HECTD3: variants seen among roughly 807,000 people sequenced by gnomAD.
The protein encoded by HECTD3 is E3 ubiquitin-protein ligase HECTD3.
Under a neutral mutation model 109.3 loss-of-function variants are expected in HECTD3, and 72 were observed. The observed-to-expected ratio is 0.66, with a 90% CI of 0.54 to 0.80. HECTD3 has a LOEUF of 0.80. Ranked by LOEUF, HECTD3 falls within the 30% of genes least tolerant of loss-of-function variation. The pLI, the probability that HECTD3 is intolerant of heterozygous loss-of-function variation, is 0.00. For missense variants in HECTD3, 1,041 were observed against 1,165.2 expected (o/e 0.89, Z 1.55); for synonymous variants, 481 against 471.8 (o/e 1.02, Z -0.25).
In HECTD3 at chr1:45,009,460, T is replaced by C; in HGVS notation, c.898A>G (p.Thr300Ala). 2 of 1,614,094 alleles carry C rather than the reference T, an allele frequency of 1.2e-6. No individual in the cohort carries two copies. Among genetic ancestry groups the C allele is most frequent in the Non-Finnish European group, 1.7e-6 (2 of 1,179,942 alleles). Residue 300 changes from threonine (T) to alanine (A), a missense_variant, in exon 6 of 21, where the codon ACC (threonine) becomes GCC (alanine). Transcript: ENST00000372172. ...TTTGGCATAAAGTTGTCATCTGTGG[T>C]ATCCACTGTGAGTAGCAGCTTCCTG... ...IVKKLLLTVD[T>A]TDDNFMPKRV...
Position 45,003,793 on chromosome 1 carries a change from G to C in HECTD3, c.2430-53C>G. 1 of 1,611,532 alleles carries C rather than the reference G, an allele frequency of 6.2e-7. No individual in the cohort carries two copies. Among genetic ancestry groups the C allele is most frequent in the Non-Finnish European group, 8.5e-7 (1 of 1,177,648 alleles). The stretch of plus-strand genomic sequence containing the variant: ...GGAAGATGTGTTGGGGCACATGTAC[G>C]TGTGTGGGGAGGGAGGACAGAAGGC... On this transcript the variant is annotated intron_variant, in intron 19 of 20. Transcript: ENST00000372172. The surrounding 1 kb of genome is among the most constrained non-coding windows in gnomAD (Gnocchi z 4.7).
Position 45,006,330 on chromosome 1 carries a change from G to C in HECTD3, c.1726-214C>G. 1 of 510,054 alleles carries C rather than the reference G, an allele frequency of 2.0e-6. No homozygotes were observed. The highest frequency in any genetic ancestry group is 3.4e-6 in the Non-Finnish European group (1 of 294,424). 31.6% of individuals were successfully genotyped at this position (510,054 alleles called of 1,614,324 possible). A position where few individuals can be genotyped will look rare whatever the true frequency, so the allele number is the denominator to read the frequency against. On this transcript the variant is annotated intron_variant, in intron 13 of 20. Transcript: ENST00000372172. The surrounding 1 kb of genome is among the most constrained non-coding windows in gnomAD (Gnocchi z 4.7). ...TCTATTTTTTTTTTTTTTTGAGACA[G>C]AGTCTCACTGTGTCACCCAGGCTGG... is the stretch of plus-strand genomic sequence containing the variant.
chr1:45,007,963 G>C (rs1198412673), intron 9 of HECTD3, among the ~76,000 whole-genome samples: 1 of 152,120 alleles, frequency 6.6e-6, no homozygotes, highest in African/African-American at 2.4e-5. Context: ...GACATCTTGA[G>C]CTGCTGGTAA....
chr1:45,010,813 G>A (rs1644783926), intron 1 of HECTD3, 76 bp downstream of exon 1: 3 of 1,508,282 alleles, frequency 2.0e-6, no homozygotes, highest in East Asian at 2.3e-5. Context: ...TCAATACAGG[G>A]GAGAAAAGGC....
intron 14 of HECTD3, 37 bp from the exon 15 acceptor site, chr1:45,005,920 G>A (rs371038469): frequency 2.8e-5 from 45 of 1,605,474 alleles, no homozygotes; most frequent in Admixed American, 6.7e-5. Context: ...TTCTCACCCT[G>A]AGCTGCCCAG....
At position 45,006,154 on chromosome 1, in the gene HECTD3, A is replaced by G; in HGVS notation, c.1726-38T>C. 1 of 1,599,638 alleles carries G rather than the reference A, an allele frequency of 6.3e-7. No individual in the cohort carries two copies. Among genetic ancestry groups the G allele is most frequent in the Non-Finnish European group, 8.6e-7 (1 of 1,169,100 alleles). ...CAGAGCTGTGAGTGTGGCATGAGAT[A>G]CACCCTATTTTCCTGGCCCAAAGAC... is the stretch of plus-strand genomic sequence containing the variant. On this transcript the variant is annotated intron_variant, in intron 13 of 20. Transcript: ENST00000372172. The surrounding 1 kb of genome is among the most constrained non-coding windows in gnomAD (Gnocchi z 4.7).
In HECTD3 at chr1:45,009,062, C is replaced by T. The variant is rs1306311081; in HGVS notation, c.1072+82G>A. 3.1e-5 allele frequency: 36 copies of T among 1,155,064 alleles called. 1 individual carries two copies. The highest frequency in any genetic ancestry group is 4.6e-5 in the Non-Finnish European group (35 of 765,766). The allele number at this position is 1,155,064 out of a possible 1,614,324, so 71.6% of individuals were successfully genotyped here. ...GCCTTCACCCCAACTCCAAGCCCAT[C>T]CTCTTCTCTCCACACACACTCTCTG... On this transcript the variant is annotated intron_variant, in intron 7 of 20. Coordinates refer to ENST00000372172, the MANE Select transcript of HECTD3 (RefSeq NM_024602.6).
chr1:45,009,178 G>A lies in HECTD3; in HGVS notation c.1038C>T (p.Leu346=). The change falls in exon 7 of 21, where the codon CTC becomes CTT. Residue 346 remains leucine (L), a synonymous_variant. Transcript: ENST00000372172. The part of the protein sequence containing the change: ...VCVLEDMTVH[L]PIIEIRIVEC... ...CCACGATGCGGATCTCGATGATCGG[G>A]AGGTGGACGGTCATGTCCTCCAGGA... 1 of 1,614,082 alleles carries A rather than the reference G, an allele frequency of 6.2e-7. No individual in the cohort carries two copies.
chr1:45,007,536 C>G lies in HECTD3; in HGVS notation c.1380G>C (p.Leu460=), dbSNP rs768527804. The part of the protein sequence containing the change: ...RQRPGLVAQC[L]RDSESSKPSF... Reference sequence around the variant, plus strand: ...TGGGCTTGCTGCTCTCAGAGTCACGCAGGCACTGAGCCACCAGGCCTGGCC... The same window carrying G: ...TGGGCTTGCTGCTCTCAGAGTCACGGAGGCACTGAGCCACCAGGCCTGGCC... Residue 460 remains leucine, a synonymous_variant, in exon 10 of 21, where the codon CTG becomes CTC. Transcript: ENST00000372172. 6.2e-7 allele frequency: 1 copy of G among 1,613,922 alleles called. No individual in the cohort carries two copies. Among genetic ancestry groups the G allele is most frequent in the South Asian group, 1.1e-5 (1 of 91,084 alleles).
chr1:45,004,287 C>T lies in HECTD3; in HGVS notation c.2233G>A (p.Gly745Arg). The change falls in exon 17 of 21, where the codon GGG becomes AGG. Residue 745 changes from glycine to arginine, a missense_variant. Physicochemically the swap from Gly to Arg is moderately radical, Grantham distance 125. This residue lies in a region of HECTD3 where 569 missense variants were observed against 715.3 expected (regional missense o/e 0.80). Transcript: ENST00000372172. The stretch of plus-strand genomic sequence containing the variant: ...GCATCCACAGTGACCTCTGGATCCC[C>T]ACACACTTTCTTCTCCAACTCTTGC... ...TWQELEKKVC[G>R]DPEVTVDALR... 2 of 1,614,008 alleles carry T rather than the reference C, an allele frequency of 1.2e-6. No homozygotes were observed. Among genetic ancestry groups the T allele is most frequent in the Non-Finnish European group, 1.7e-6 (2 of 1,179,898 alleles).
At chr1:45,004,189 A>G in intron 17 of HECTD3, 55 bp from the exon 18 acceptor site, 12 of 1,614,072 alleles carry the variant, frequency 7.4e-6, no homozygotes, top group African/African-American at 1.3e-5. Context: ...CCAGTCCTTG[A>G]GCCCCAACCC....
In HECTD3 at chr1:45,007,392, C is replaced by T. The variant is rs72887047; in HGVS notation, c.1503+21G>A. On this transcript the variant is annotated intron_variant, in intron 10 of 20. Transcript: ENST00000372172. ...GGCCCTTGACTGATCCTATCTCAGT[C>T]GGACCCTAGGTGGTGCAGACCTGGG... is the stretch of plus-strand genomic sequence containing the variant. 0.013 allele frequency: 20,325 copies of T among 1,613,154 alleles called. 2,091 individuals are homozygous for T. The African/African-American group carries it at 0.23, about 18-fold the overall frequency.
chr1:45,009,038 C>A (rs573528022), intron 7 of HECTD3, 106 bp downstream of exon 7: 2 of 939,410 alleles, frequency 2.1e-6, no homozygotes, highest in Non-Finnish European at 3.4e-6. Flanking sequence ...TTCAGCATCG[C>A]CTTCACCCCA....
intron 9 of HECTD3, 70 bp from the exon 10 acceptor site, chr1:45,007,665 C>A: frequency 7.7e-7 from 1 of 1,306,026 alleles, no homozygotes; most frequent in Non-Finnish European, 1.1e-6. Flanking sequence ...TGGAACTTTC[C>A]CCTCTGCCTG....
chr1:45,004,851 G>C (rs969124007), intron 15 of HECTD3, 45 bp from the exon 16 acceptor site: 7 of 1,532,932 alleles, frequency 4.6e-6, no homozygotes, highest in Admixed American at 1.7e-5. Context: ...TCACTGTGGA[G>C]ATAGTCCCTG....
Position 45,007,239 on chromosome 1 carries a change from A to G in HECTD3, c.1536T>C (p.Tyr512=), listed in dbSNP as rs373933483. The change falls in exon 11 of 21, where the codon TAT becomes TAC. Residue 512 remains tyrosine (Y), a synonymous_variant. Transcript: ENST00000372172. ...CATACCTGTAGTCCAGGGGCTTTTC[A>G]TATTTGTCAGAGGGCTTGAGGCCTT... ...VYEGLKPSDK[Y]EKPLDYRWPM... 54 of 1,613,320 alleles carry G rather than the reference A, an allele frequency of 3.3e-5. No homozygotes were observed. Among genetic ancestry groups the G allele is most frequent in the African/African-American group, 2.3e-4 (17 of 74,834 alleles).
Position 45,009,642 on chromosome 1 carries a change from A to T in HECTD3, c.801T>A (p.Asp267Glu), listed in dbSNP as rs546840543. 2.5e-6 allele frequency: 4 copies of T among 1,614,106 alleles called. No individual in the cohort carries two copies. In the South Asian group the frequency reaches 4.4e-5, roughly 18 times the overall value. ...GGGACCCATCGCTCTCCCAGTAGGTATCGGCATTGCTGTCTGTCAGGCAGG... is the reference window on the plus strand; with the variant it reads ...GGGACCCATCGCTCTCCCAGTAGGTTTCGGCATTGCTGTCTGTCAGGCAGG... ...NVSCLTDSNADTYWESDGSQC... is the reference protein window; with the variant it reads ...NVSCLTDSNAETYWESDGSQC... Residue 267 changes from aspartate (D) to glutamate (E), a missense_variant, in exon 5 of 21, where the codon GAT becomes GAA. By Grantham distance (45) the Asp-to-Glu change is conservative. This residue lies in a region of HECTD3 where 472 missense variants were observed against 449.9 expected (regional missense o/e 1.05). Transcript: ENST00000372172.
Position 45,010,985 on chromosome 1 carries a change from G to C in HECTD3, c.273C>G (p.Ala91=). Residue 91 remains alanine, a synonymous_variant, in exon 1 of 21, where the codon GCC becomes GCG. Transcript: ENST00000372172. ...GCCGGAGCTCAATGCTGTCGCGGGC[G>C]GCGCGGAGGGGCCCGGAGCCGGTAC... ...APGTGSGPLR[A]ARDSIELRRG... 6.7e-7 allele frequency: 1 copy of C among 1,488,188 alleles called. No individual in the cohort carries two copies. 92.2% of individuals were successfully genotyped at this position (1,488,188 alleles called of 1,614,324 possible). A position where few individuals can be genotyped will look rare whatever the true frequency, so the allele number is the denominator to read the frequency against.
At chr1:45,004,888 G>T in intron 15 of HECTD3, 82 bp from the exon 16 acceptor site, 3 of 1,279,000 alleles carry the variant, frequency 2.3e-6, no homozygotes, top group Non-Finnish European at 3.4e-6. Flanking sequence ...TCACAGGGAA[G>T]CAGAGACAGC....
Sources: allele counts gnomAD v4.1 joint callset (sites outside exome capture counted in the v4.1 genomes callset), GRCh38; gene constraint gnomAD v4.1.1; regional missense constraint gnomAD v4.1.1; non-coding constraint Gnocchi (gnomAD v3.1); transcripts MANE v1.5; gene names NCBI Gene and HGNC (gene_info 2026-07-23, HGNC 2026-07-21).